BTN2A1: variants seen among roughly 807,000 people sequenced by gnomAD.
BTN2A1 encodes the protein butyrophilin, subfamily 2, member A1.
In BTN2A1, 41 loss-of-function variants were observed where a neutral mutation model predicts 34.5. The ratio of observed to expected loss-of-function variants is 1.19; its 90% CI spans 0.93 to 1.54. The LOEUF (loss-of-function observed/expected upper bound fraction) is 1.54, where lower values mean the gene tolerates loss of function less well. BTN2A1 is among the 40% of genes most tolerant of loss of function. BTN2A1 has a pLI of 0.00. For synonymous variants in BTN2A1, 267 were observed against 258.6 expected (o/e 1.03, Z -0.31); for missense variants, 642 against 662.0 (o/e 0.97, Z 0.33).
downstream of BTN2A1, among the ~76,000 whole-genome samples, chr6:26,472,638 C>T (rs776107731): frequency 2.0e-5 from 3 of 152,156 alleles, no homozygotes; most frequent in South Asian, 2.1e-4. Flanking sequence ...GCCAGCAACA[C>T]CCCACCCAAG....
chr6:26,474,998 A>C (rs1763514934), intron 7 of BTN2A1, among the ~76,000 whole-genome samples: 1 of 152,066 alleles, frequency 6.6e-6, no homozygotes, highest in Non-Finnish European at 1.5e-5. Context: ...CCTGACCTCA[A>C]GTGATCCACC....
chr6:26,476,481 G>A, exon 8 of BTN2A1: 1 of 506,852 alleles, frequency 2.0e-6, no homozygotes, highest in South Asian at 1.8e-5. Context: ...GGCCTGCAGA[G>A]TTAAAACATC....
Position 26,463,381 on chromosome 6 carries a change from A to T in BTN2A1, c.568A>T (p.Lys190Ter), listed in dbSNP as rs1763222248. 3.1e-6 allele frequency: 5 copies of T among 1,614,064 alleles called. No individual in the cohort carries two copies. The highest frequency in any genetic ancestry group is 4.2e-6 in the Non-Finnish European group (5 of 1,180,006). ...CTACGGTGGGGTTGCGCCTGCCCTG[A>T]AAGAGGTCTCCATGCCTGATGCAGA... is the stretch of plus-strand genomic sequence containing the variant. ...DPYGGVAPAL[K>*]EVSMPDADGL... is the part of the protein sequence containing the mutation. Residue 190 changes from lysine (K) to a stop codon, truncating the protein, a stop_gained, in exon 4 of 8, where the codon AAA (lysine) becomes TAA (stop). Coordinates refer to ENST00000312541, the MANE Select transcript of BTN2A1 (RefSeq NM_007049.5). LOFTEE classifies it high-confidence loss of function.
chr6:26,476,202 C>T (rs1189359015), exon 8 of BTN2A1: 3 of 1,526,752 alleles, frequency 2.0e-6, no homozygotes, highest in South Asian at 1.2e-5. Context: ...TTGAAAATCT[C>T]CACTGGAGAG....
rs1554137141 is a variant in BTN2A1, at chr6:26,468,178, G to C, written c.1213G>C (p.Asp405His). Residue 405 changes from aspartate to histidine, a missense_variant, in exon 8 of 8, where the codon GAC (aspartate) becomes CAC (histidine). Coordinates refer to ENST00000312541, the MANE Select transcript of BTN2A1 (RefSeq NM_007049.5). ...TGAGTGGACTGTGGGGGTCTGTAGA[G>C]ACAGTGTTGAGAGGAAAGGGGAGGT... ...VIEWTVGVCR[D>H]SVERKGEVLL... 9 of 1,614,102 alleles carry C rather than the reference G, an allele frequency of 5.6e-6. No homozygotes were observed. In the South Asian group the frequency reaches 7.7e-5, roughly 14 times the overall value.
Position 26,465,194 on chromosome 6 carries a change from T to G in BTN2A1, c.722T>G (p.Met241Arg), listed in dbSNP as rs773828539. 4 of 1,614,000 alleles carry G rather than the reference T, an allele frequency of 2.5e-6. No individual in the cohort carries two copies. Among genetic ancestry groups the G allele is most frequent in the Non-Finnish European group, 3.4e-6 (4 of 1,179,848 alleles). ...ESVIFIPESF[M>R]PSVSPCAVAL... Reference sequence around the variant, plus strand: ...CTGGCTGCCTTTTCAGAATCCTTTATGCCCAGTGTGTCTCCCTGTGCAGTG... The same window carrying G: ...CTGGCTGCCTTTTCAGAATCCTTTAGGCCCAGTGTGTCTCCCTGTGCAGTG... Residue 241 changes from methionine to arginine, a missense_variant, in exon 5 of 8, where the codon ATG becomes AGG. Coordinates refer to ENST00000312541, the MANE Select transcript of BTN2A1 (RefSeq NM_007049.5).
In BTN2A1 at chr6:26,468,824, G is replaced by T; in HGVS notation, c.*275G>T. 6.4e-7 allele frequency: 1 copy of T among 1,552,158 alleles called. No homozygotes were observed. The highest frequency in any genetic ancestry group is 8.7e-7 in the Non-Finnish European group (1 of 1,144,404). ...CAGCTCCCAGCCAAGAAGAAAGTGT[G>T]AGAAGTTGATGGGCAGCAAACCTGC... On this transcript the variant is annotated 3_prime_UTR_variant, in exon 8 of 8. Transcript: ENST00000312541.
In BTN2A1 at chr6:26,468,404, T is replaced by G. The variant is rs777740346; in HGVS notation, c.1439T>G (p.Phe480Cys). The G allele has an allele frequency of 3.1e-6, 5 of 1,614,080 alleles. No homozygotes were observed. The African/African-American group carries it at 4.0e-5, about 13-fold the overall frequency. Residue 480 changes from phenylalanine (F) to cysteine (C), a missense_variant, in exon 8 of 8, where the codon TTT (phenylalanine) becomes TGT (cysteine). Transcript: ENST00000312541. Reference protein sequence around the residue: ...SHIYTCPRSAFSVPVRPFFRL... With the variant: ...SHIYTCPRSACSVPVRPFFRL... ...ATCTACACATGTCCCCGTTCAGCCT[T>G]TTCCGTGCCTGTGAGGCCCTTCTTC... is the stretch of plus-strand genomic sequence containing the variant.
intron 7 of BTN2A1, chr6:26,467,626 T>C: frequency 7.3e-7 from 1 of 1,363,362 alleles, no homozygotes; most frequent in African/African-American, 1.5e-5. Context: ...ATCATATGTC[T>C]TGGATAGAAA....
At chr6:26,467,782 C>A in intron 7 of BTN2A1, 166 bp from the exon 8 acceptor site, 1 of 1,566,396 alleles carries the variant, frequency 6.4e-7, no homozygotes, top group South Asian at 1.2e-5. Flanking sequence ...AGTGCAGCTT[C>A]AGTAATTCTC....
At chr6:26,474,738 CAGAA>C (rs1185335080) in intron 7 of BTN2A1, among the ~76,000 whole-genome samples, 2 of 145,840 alleles carry the variant, frequency 1.4e-5, no homozygotes, top group Non-Finnish European at 3.0e-5. Context: ...TAATTACAGT[CAGAA>C]AGGAGCAAAG....
In BTN2A1 at chr6:26,463,351, G is replaced by A. The variant is rs1365371527; in HGVS notation, c.538G>A (p.Asp180Asn). The part of the protein sequence containing the change: ...WYPKPLTVWR[D>N]PYGGVAPALK... ...CCCAAAGCCCCTCACAGTGTGGAGG[G>A]ACCCCTACGGTGGGGTTGCGCCTGC... is the stretch of plus-strand genomic sequence containing the variant. Residue 180 changes from aspartate (D) to asparagine (N), a missense_variant, in exon 4 of 8, where the codon GAC (aspartate) becomes AAC (asparagine). Coordinates refer to ENST00000312541, the MANE Select transcript of BTN2A1 (RefSeq NM_007049.5). The A allele has an allele frequency of 1.9e-6, 3 of 1,614,016 alleles. No individual in the cohort carries two copies. Among genetic ancestry groups the A allele is most frequent in the South Asian group, 1.1e-5 (1 of 91,062 alleles).
In BTN2A1 at chr6:26,465,233, T is replaced by G. The variant is rs540173873; in HGVS notation, c.761T>G (p.Ile254Ser). The change falls in exon 5 of 8, where the codon ATT (isoleucine) becomes AGT (serine). Residue 254 changes from isoleucine (I) to serine (S), a missense_variant. Ile to Ser is a moderately radical substitution (Grantham distance 142). Coordinates refer to ENST00000312541, the MANE Select transcript of BTN2A1 (RefSeq NM_007049.5). ...VSPCAVALPI[I>S]VVILMIPIAV... Reference sequence around the variant, plus strand: ...CCCTGTGCAGTGGCCCTGCCTATCATTGTGGTTATTCTGATGATACCCATT... The same window carrying G: ...CCCTGTGCAGTGGCCCTGCCTATCAGTGTGGTTATTCTGATGATACCCATT... 6 of 1,614,034 alleles carry G rather than the reference T, an allele frequency of 3.7e-6. No individual in the cohort carries two copies. The South Asian group carries it at 6.6e-5, about 18-fold the overall frequency.
At chr6:26,465,459 G>T (rs1581673089) in intron 5 of BTN2A1, 53 bp downstream of exon 5, 2 of 1,540,930 alleles carry the variant, frequency 1.3e-6, no homozygotes, top group East Asian at 4.5e-5. Context: ...CACTGTGGGA[G>T]GCTGAGGCAG....
rs145303049 is a variant in BTN2A1 at position 26,465,974 on chromosome 6, G to A, written c.955+1G>A. 316 of 1,614,188 alleles carry A rather than the reference G, an allele frequency of 2.0e-4. No individual in the cohort carries two copies. The Middle Eastern group carries it at 4.3e-3, about 22-fold the overall frequency. ...TCAGAGAAACTTCAAGAAGAATTGC[G>A]TAAGTTTAGCCTTTCCTTAACTACA... On this transcript the variant is annotated splice_donor_variant, in intron 6 of 7. Transcript: ENST00000312541. LOFTEE classifies it high-confidence loss of function.
Position 26,468,172 on chromosome 6 carries a change from T to C in BTN2A1, c.1207T>C (p.Cys403Arg). ...CGTGATTGAGTGGACTGTGGGGGTC[T>C]GTAGAGACAGTGTTGAGAGGAAAGG... Reference protein sequence around the residue: ...ENVIEWTVGVCRDSVERKGEV... With the variant: ...ENVIEWTVGVRRDSVERKGEV... Residue 403 changes from cysteine to arginine, a missense_variant, in exon 8 of 8, where the codon TGT becomes CGT. By Grantham distance (180) the Cys-to-Arg change is radical. Transcript: ENST00000312541. 6.2e-7 allele frequency: 1 copy of C among 1,614,198 alleles called. No homozygotes were observed. The highest frequency in any genetic ancestry group is 8.5e-7 in the Non-Finnish European group (1 of 1,180,024).
At chr6:26,471,663 A>G (rs995817761), downstream of BTN2A1, among the ~76,000 whole-genome samples, 1 of 151,496 alleles carries the variant, frequency 6.6e-6, no homozygotes, top group Non-Finnish European at 1.5e-5. Context: ...GGAAGGAAGG[A>G]AAGGAAGGAA....
intron 4 of BTN2A1, among the ~76,000 whole-genome samples, chr6:26,464,561 A>G (rs6916321): frequency 0.82 from 124,892 of 152,042 alleles, 51,644 homozygotes; most frequent in South Asian, 0.92. Context: ...TAAGGACTGA[A>G]CAACCCAGCT....
Position 26,468,513 on chromosome 6 carries a change from G to A in BTN2A1, c.1548G>A (p.Leu516=), listed in dbSNP as rs1263986601. The A allele has an allele frequency of 2.5e-6, 4 of 1,614,034 alleles. No individual in the cohort carries two copies. The highest frequency in any genetic ancestry group is 3.3e-5 in the Admixed American group (2 of 60,000). ...ANGVTVPEEG[L]TLHRVGTHQS... The stretch of plus-strand genomic sequence containing the variant: ...GGGTCACGGTGCCTGAAGAGGGCCT[G>A]ACACTTCACAGAGTGGGGACCCACC... The change falls in exon 8 of 8, where the codon CTG becomes CTA. Residue 516 remains leucine (L), a synonymous_variant. Coordinates refer to ENST00000312541, the MANE Select transcript of BTN2A1 (RefSeq NM_007049.5).
Sources: gnomAD v4.1 joint callset for allele counts (sites outside exome capture counted in the v4.1 genomes callset) on GRCh38, gnomAD v4.1.1 for gene constraint, MANE v1.5 for transcripts, NCBI Gene and HGNC (gene_info 2026-07-23, HGNC 2026-07-21) for gene names.